MIB1: variants seen among roughly 807,000 people sequenced by gnomAD.
MIB1 encodes the protein MIB E3 ubiquitin protein ligase 1, also known as E3 ubiquitin-protein ligase MIB1.
Under a neutral mutation model 124.5 loss-of-function variants are expected in MIB1, and 278 were observed. The ratio of observed to expected loss-of-function variants is 2.23; its 90% CI spans 2.02 to 2.47. The LOEUF (loss-of-function observed/expected upper bound fraction) is 2.47, where lower values mean the gene tolerates loss of function less well. MIB1 is among the 30% of genes most tolerant of loss of function. The pLI, the probability that MIB1 is intolerant of heterozygous loss-of-function variation, is 0.00. For synonymous variants in MIB1, 446 were observed against 429.4 expected, an observed-to-expected ratio of 1.04 and a Z score of -0.48; for missense variants, 957 against 1,254.4, an observed-to-expected ratio of 0.76 and a Z score of 3.58.
chr18:21,802,509 C>G (rs1243726384), intron 9 of MIB1, among the ~76,000 whole-genome samples: 5 of 151,884 alleles, frequency 3.3e-5, no homozygotes, highest in Non-Finnish European at 7.4e-5. Flanking sequence ...TTTTCACATT[C>G]CTTTTGATAG....
chr18:21,809,878 C>T (rs1424806621), intron 10 of MIB1, among the ~76,000 whole-genome samples: 1 of 151,994 alleles, frequency 6.6e-6, no homozygotes, highest in African/African-American at 2.4e-5. Context: ...TTTAACAGTA[C>T]TAGAAGTGCT....
In MIB1 at chr18:21,869,558, G is replaced by A. The variant is rs2042341994; in HGVS notation, c.*4892G>A. On this transcript the variant is annotated 3_prime_UTR_variant, in exon 21 of 21. Coordinates refer to ENST00000261537, the MANE Select transcript of MIB1 (RefSeq NM_020774.4). ...TTAATAATGATTCTGCATGTGTGCTGGGTTTGGGTAATTCTTTAAAGGAAG... is the reference window on the plus strand; with the variant it reads ...TTAATAATGATTCTGCATGTGTGCTAGGTTTGGGTAATTCTTTAAAGGAAG... 1 of 152,410 alleles carries A rather than the reference G, an allele frequency of 6.6e-6. No homozygotes were observed. The highest frequency in any genetic ancestry group is 1.5e-5 in the Non-Finnish European group (1 of 67,898). The allele number at this position is 152,410 out of a possible 1,614,324, so 9.4% of individuals were successfully genotyped here.
At position 21,815,636 on chromosome 18, in the gene MIB1, A is replaced by C. The variant is rs750545523; in HGVS notation, c.1500A>C (p.Ala500=). 5.6e-6 allele frequency: 9 copies of C among 1,613,516 alleles called. No homozygotes were observed. The highest frequency in any genetic ancestry group is 5.9e-6 in the Non-Finnish European group (7 of 1,179,516). ...ATTAGGATAAAGATGGTGATAGAGC[A>C]GTTCACCATGCAGCTTTTGGAGATG... ...VEAEDKDGDR[A]VHHAAFGDEG... Residue 500 remains alanine (A), a synonymous_variant, in exon 11 of 21, where the codon GCA becomes GCC. Transcript: ENST00000261537.
chr18:21,774,834 G>A (rs3017042), intron 4 of MIB1, among the ~76,000 whole-genome samples: 112,177 of 149,768 alleles, frequency 0.75, 42,613 homozygotes, highest in East Asian at 0.97. Context: ...ATTTTTTGAG[G>A]CAGAGTCTCG....
At chr18:21,772,911 G>T (rs1441021131) in intron 3 of MIB1, among the ~76,000 whole-genome samples, 2 of 152,156 alleles carry the variant, frequency 1.3e-5, no homozygotes, top group African/African-American at 2.4e-5. Context: ...GGTTTATCTT[G>T]AATCATTTTG....
At chr18:21,792,337 C>A (rs1459138963) in intron 7 of MIB1, among the ~76,000 whole-genome samples, 2 of 152,090 alleles carry the variant, frequency 1.3e-5, no homozygotes, top group Non-Finnish European at 2.9e-5. Flanking sequence ...CATCTCACAT[C>A]CCTCTTAGTA....
chr18:21,850,707 CTG>C (rs2042172933), intron 17 of MIB1, among the ~76,000 whole-genome samples: 1 of 152,152 alleles, frequency 6.6e-6, no homozygotes, highest in Admixed American at 6.6e-5. Flanking sequence ...GTGCCAGACA[CTG>C]TGTTGGCATT....
intron 1 of MIB1, among the ~76,000 whole-genome samples, chr18:21,716,979 G>A (rs2040692570): frequency 6.6e-6 from 1 of 152,132 alleles, no homozygotes; most frequent in Admixed American, 6.5e-5. Context: ...AAATCTGGAG[G>A]CATCACATTA....
chr18:21,844,002 GT>G lies in MIB1; in HGVS notation c.2050-89del, dbSNP rs3216119. Reference sequence around the variant, plus strand: ...GCTTTAGTGGTAACTTCTTCAGTAGGTCCAGGGTGTTCTCACCATTACTTTA... The same window carrying G: ...GCTTTAGTGGTAACTTCTTCAGTAGGCCAGGGTGTTCTCACCATTACTTTA... On this transcript the variant is annotated intron_variant, in intron 14 of 20. Coordinates refer to ENST00000261537, the MANE Select transcript of MIB1 (RefSeq NM_020774.4). The G allele has an allele frequency of 0.89, 1,159,639 of 1,308,428 alleles. 515,976 individuals are homozygous for G. Among genetic ancestry groups the G allele is most frequent in the Admixed American group, 0.92 (49,017 of 53,490 alleles). 81.1% of individuals were successfully genotyped at this position (1,308,428 alleles called of 1,614,324 possible).
upstream of MIB1, among the ~76,000 whole-genome samples, chr18:21,739,366 G>A (rs1314726161): frequency 1.3e-5 from 2 of 152,060 alleles, no homozygotes; most frequent in African/African-American, 4.8e-5. Flanking sequence ...GTACAAAGAG[G>A]AGCTGTTACT....
At chr18:21,751,742 G>A (rs1008503053) in intron 1 of MIB1, among the ~76,000 whole-genome samples, 1 of 150,864 alleles carries the variant, frequency 6.6e-6, no homozygotes, top group African/African-American at 2.4e-5. Flanking sequence ...TTGAGTCCTT[G>A]CAGGCCTGAA....
At chr18:21,778,356 C>G (rs2041316848) in intron 5 of MIB1, among the ~76,000 whole-genome samples, 187 bp downstream of exon 5, 1 of 152,086 alleles carries the variant, frequency 6.6e-6, no homozygotes, top group Non-Finnish European at 1.5e-5. Flanking sequence ...TCAGAGTTGT[C>G]ATGTCTTGAG....
intron 18 of MIB1, among the ~76,000 whole-genome samples, chr18:21,856,164 A>G (rs1317656656): frequency 6.7e-6 from 1 of 149,698 alleles, no homozygotes; most frequent in Non-Finnish European, 1.5e-5. Context: ...CGGGAAGCGG[A>G]GCTTGCAGTG....
At position 21,791,520 on chromosome 18, in the gene MIB1, A is replaced by G; in HGVS notation, c.1055A>G (p.Gln352Arg). ...GACCTGGAACGAATTAAACTTCTAC[A>G]AAGAGGACATGGAGAATGGGCTGAA... ...CYDLERIKLL[Q>R]RGHGEWAEAM... Residue 352 changes from glutamine to arginine, a missense_variant, in exon 7 of 21, where the codon CAA (glutamine) becomes CGA (arginine). Transcript: ENST00000261537. 1.2e-6 allele frequency: 2 copies of G among 1,614,056 alleles called. No homozygotes were observed. Among genetic ancestry groups the G allele is most frequent in the Non-Finnish European group, 1.7e-6 (2 of 1,179,934 alleles).
intron 1 of MIB1, among the ~76,000 whole-genome samples, chr18:21,717,232 A>G (rs375844274): frequency 6.6e-6 from 1 of 152,200 alleles, no homozygotes; most frequent in Admixed American, 6.5e-5. Flanking sequence ...CTCACCTTAT[A>G]CAAAAATCTA....
At chr18:21,827,439 T>A (rs571206725) in intron 12 of MIB1, 1 of 152,228 alleles carries the variant, frequency 6.6e-6, no homozygotes, top group South Asian at 2.1e-4. Context: ...TTAAACAACT[T>A]GTATACCTAT....
intron 10 of MIB1, 32 bp downstream of exon 10, chr18:21,804,046 CATTT>C (rs755410094): frequency 2.1e-6 from 3 of 1,422,556 alleles, no homozygotes; most frequent in Admixed American, 3.4e-5. Context: ...TTTAAGTAAA[CATTT>C]ATTTCCTAGA....
chr18:21,764,276 C>CTTCT (rs1251878636), intron 1 of MIB1, among the ~76,000 whole-genome samples: 2 of 151,998 alleles, frequency 1.3e-5, no homozygotes, highest in Non-Finnish European at 2.9e-5. Flanking sequence ...TTCCCTCCCT[C>CTTCT]TTCCTTCCTG....
chr18:21,849,657 G>A (rs909557887), intron 17 of MIB1, among the ~76,000 whole-genome samples: 3 of 151,760 alleles, frequency 2.0e-5, no homozygotes, highest in Non-Finnish European at 2.9e-5. Context: ...AATTTTTTTA[G>A]CTCTTAATGT....
Sources: allele counts gnomAD v4.1 joint callset (sites outside exome capture counted in the v4.1 genomes callset), GRCh38; gene constraint gnomAD v4.1.1; transcripts MANE v1.5; gene names NCBI Gene and HGNC (gene_info 2026-07-23, HGNC 2026-07-21).